The following PPP2R3B variants were observed in gnomAD, a reference collection of about 807,000 sequenced individuals.
The protein encoded by PPP2R3B is serine/threonine-protein phosphatase 2A regulatory subunit B'' subunit beta.
PPP2R3B carries 68 observed loss-of-function variants against 72.9 expected under a neutral mutation model. The ratio of observed to expected loss-of-function variants is 0.93; its 90% CI spans 0.77 to 1.14. The LOEUF (loss-of-function observed/expected upper bound fraction) is 1.14, where lower values mean the gene tolerates loss of function less well. Among genes scored for constraint, PPP2R3B ranks in the 50% most tolerant of loss-of-function variants. The pLI, the probability that PPP2R3B is intolerant of heterozygous loss-of-function variation, is 0.00. For synonymous variants in PPP2R3B, 466 were observed against 375.8 expected, an observed-to-expected ratio of 1.24 and a Z score of -2.78; for missense variants, 1,018 against 842.0, an observed-to-expected ratio of 1.21 and a Z score of -2.59.
intron 12 of PPP2R3B, 153 bp downstream of exon 12, chrX:338,451 G>C: frequency 4.0e-6 from 3 of 749,368 alleles, no homozygotes; most frequent in Admixed American, 2.1e-5. Flanking sequence ...CCCCGTGTCA[G>C]GTCTCACCCC....
intron 2 of PPP2R3B, among the ~76,000 whole-genome samples, chrX:353,256 C>G (rs1329989900): frequency 6.6e-6 from 1 of 152,046 alleles, no homozygotes; most frequent in Non-Finnish European, 1.5e-5. Flanking sequence ...TGCCTGTAAT[C>G]CCAGCTACCC....
intron 1 of PPP2R3B, among the ~76,000 whole-genome samples, chrX:371,701 G>A (rs1481247672): frequency 2.0e-5 from 3 of 152,090 alleles, no homozygotes; most frequent in Non-Finnish European, 4.4e-5. Context: ...GCTCCAACAC[G>A]GGTGCTCCCT....
chrX:375,791 G>A (rs2071978620), intron 1 of PPP2R3B, among the ~76,000 whole-genome samples: 2 of 152,264 alleles, frequency 1.3e-5, no homozygotes, highest in African/African-American at 4.8e-5. Flanking sequence ...TCACACTCAG[G>A]CAACATGCCC....
At chrX:346,322 G>C (rs996973155) in intron 5 of PPP2R3B, 62 bp from the exon 6 acceptor site, 3 of 1,487,190 alleles carry the variant, frequency 2.0e-6, no homozygotes, top group Non-Finnish European at 2.7e-6. Context: ...GCCCCGCACG[G>C]AGACCGGGAG....
At chrX:345,425 C>A (rs1383354490) in intron 7 of PPP2R3B, 91 bp downstream of exon 7, 1 of 1,533,426 alleles carries the variant, frequency 6.5e-7, no homozygotes, top group Non-Finnish European at 8.9e-7. Context: ...GCTGGGAGTG[C>A]GGAAGGAGAG....
At chrX:355,515 G>T (rs1486712631) in intron 2 of PPP2R3B, among the ~76,000 whole-genome samples, 1 of 152,142 alleles carries the variant, frequency 6.6e-6, no homozygotes, top group Non-Finnish European at 1.5e-5. Context: ...AACGAACAAC[G>T]GTGCAGCCAC....
Position 371,305 on chromosome X carries a change from C to T in PPP2R3B, c.325-9715G>A, listed in dbSNP as rs781319038. Among the ~76,000 whole-genome samples, 10 of 152,310 alleles carry T rather than the reference C, an allele frequency of 6.6e-5. No homozygotes were observed. The East Asian group carries it at 9.7e-4, about 15-fold the overall frequency. Reference sequence around the variant, plus strand: ...GGTGAGAGTACGTGTAACACGCCATCGTCACACGGGAGCCTCCCCGGACCC... The same window carrying T: ...GGTGAGAGTACGTGTAACACGCCATTGTCACACGGGAGCCTCCCCGGACCC... On this transcript the variant is annotated intron_variant, in intron 1 of 12. Transcript: ENST00000390665.
chrX:347,957 G>C, intron 2 of PPP2R3B: 1 of 429,912 alleles, frequency 2.3e-6, no homozygotes, highest in Non-Finnish European at 4.1e-6. Flanking sequence ...AACCAGAGGC[G>C]GCTGCATCCC....
Position 347,629 on chromosome X carries a change from C to T in PPP2R3B, c.575G>A (p.Gly192Asp). Residue 192 changes from glycine (G) to aspartate (D), a missense_variant, in exon 3 of 13, where the codon GGC becomes GAC. Transcript: ENST00000390665. ...GACGAACTTGTGGACGGACACGGAG[C>T]CCGTGCGCTCCCCGCCGGCGCCATA... ...LFYGAGGERT[G>D]SVSVHKFVAM... The T allele has an allele frequency of 6.3e-7, 1 of 1,576,644 alleles. No individual in the cohort carries two copies. The highest frequency in any genetic ancestry group is 8.6e-7 in the Non-Finnish European group (1 of 1,160,872).
chrX:361,848 C>T (rs1425762947), intron 1 of PPP2R3B, among the ~76,000 whole-genome samples: 1 of 152,208 alleles, frequency 6.6e-6, no homozygotes, highest in Non-Finnish European at 1.5e-5. Context: ...CCCCATCACA[C>T]CGAGCAGGGC....
rs1471220009 is a variant in PPP2R3B at position 334,004 on chromosome X, G to A, written c.*363C>T. The A allele has an allele frequency of 1.8e-5, 4 of 221,518 alleles. No individual in the cohort carries two copies. The East Asian group carries it at 2.8e-4, about 15-fold the overall frequency. The allele number at this position is 221,518 out of a possible 1,614,324, so 13.7% of individuals were successfully genotyped here. ...TACACAAAACATTCACACAGCCTGT[G>A]GTGGAGGCTCCTGTCCAGGACTGAG... On this transcript the variant is annotated 3_prime_UTR_variant, in exon 13 of 13. Transcript: ENST00000390665.
intron 1 of PPP2R3B, among the ~76,000 whole-genome samples, chrX:363,340 C>T: frequency 6.8e-6 from 1 of 146,474 alleles, no homozygotes; most frequent in Admixed American, 6.7e-5. Flanking sequence ...CTCCCCGAGC[C>T]CACCATCCCG....
intron 2 of PPP2R3B, among the ~76,000 whole-genome samples, chrX:352,394 C>T (rs1425212575): frequency 2.6e-5 from 4 of 152,236 alleles, no homozygotes; most frequent in African/African-American, 4.8e-5. Context: ...GGCGACGGCC[C>T]CCAGGCCTCC....
chrX:375,249 C>G (rs1394776998), intron 1 of PPP2R3B, among the ~76,000 whole-genome samples: 2 of 152,226 alleles, frequency 1.3e-5, no homozygotes, highest in Non-Finnish European at 2.9e-5. Context: ...TAAGACAGCA[C>G]CAGAGGGAAT....
intron 10 of PPP2R3B, among the ~76,000 whole-genome samples, chrX:340,177 GGGC>G (rs1173326451): frequency 0.036 from 119 of 3,300 alleles, 43 homozygotes; most frequent in East Asian, 0.19. Flanking sequence ...GAGACGGGGG[GGGC>G]GGGGTGAGAG....
intron 1 of PPP2R3B, among the ~76,000 whole-genome samples, chrX:381,244 ACCAGTTTCTCTTCC>A: frequency 6.6e-6 from 1 of 152,034 alleles, no homozygotes; most frequent in East Asian, 1.9e-4. Flanking sequence ...TCTAATTTGT[ACCAGTTTCTCTTCC>A]CCAAAGACGG....
intron 7 of PPP2R3B, 167 bp downstream of exon 7, chrX:345,348 TG>T: frequency 2.1e-6 from 2 of 975,552 alleles, no homozygotes; most frequent in Non-Finnish European, 3.2e-6. Flanking sequence ...GGGCAGCGAC[TG>T]GGGAAGGAGA....
At position 356,206 on chromosome X, in the gene PPP2R3B, GGTTTTTT is replaced by G. The variant is rs986147772; in HGVS notation, c.510+5192_510+5198del. Among the ~76,000 whole-genome samples, 38 of 152,096 alleles carry G rather than the reference GGTTTTTT, an allele frequency of 2.5e-4. No individual in the cohort carries two copies. The South Asian group carries it at 7.5e-3, about 30-fold the overall frequency. ...TCACTCAGGGCCACCCCGGAAGCAG[GGTTTTTT>G]GTTTTTTGTTTTTTTGCGTAGAGAC... On this transcript the variant is annotated intron_variant, in intron 2 of 12. Coordinates refer to ENST00000390665, the MANE Select transcript of PPP2R3B (RefSeq NM_013239.5).
chrX:370,859 A>G (rs2071845137), intron 1 of PPP2R3B, among the ~76,000 whole-genome samples: 1 of 152,202 alleles, frequency 6.6e-6, no homozygotes, highest in African/African-American at 2.4e-5. Context: ...TTCCAAGTAC[A>G]GCGGGGCTGC....
Sources: gnomAD v4.1 joint callset for allele counts (sites outside exome capture counted in the v4.1 genomes callset) on GRCh38, gnomAD v4.1.1 for gene constraint, MANE v1.5 for transcripts, NCBI Gene and HGNC (gene_info 2026-07-23, HGNC 2026-07-21) for gene names.